Variants in TFAP2A observed in about 807,000 individuals in gnomAD.
The protein encoded by TFAP2A is transcription factor AP-2 alpha, also known as transcription factor AP-2-alpha.
TFAP2A carries 7 observed loss-of-function variants against 41.5 expected under a neutral mutation model. The observed-to-expected ratio is 0.17, with a 90% CI of 0.10 to 0.32. The LOEUF (loss-of-function observed/expected upper bound fraction) is 0.32, where lower values mean the gene tolerates loss of function less well. Among genes scored for constraint, TFAP2A ranks in the 10% least tolerant of loss-of-function variants. The pLI is 1.00. For synonymous variants in TFAP2A, 247 were observed against 242.8 expected (o/e 1.02, Z -0.16); for missense variants, 416 against 563.3 (o/e 0.74, Z 2.65).
chr6:10,406,648 G>A lies in TFAP2A; in HGVS notation c.538+145C>T, dbSNP rs1310041984. 3.6e-5 allele frequency: 26 copies of A among 723,182 alleles called. No individual in the cohort carries two copies. In the East Asian group the frequency reaches 6.6e-4, roughly 18 times the overall value. The allele number at this position is 723,182 out of a possible 1,614,324, so 44.8% of individuals were successfully genotyped here. On this transcript the variant is annotated intron_variant, in intron 3 of 6. Transcript: ENST00000379613. ...AACATACTGAAGGCTGATTATTTAA[G>A]CATTGCTGTTCTGTGCCTATCTATT...
intron 1 of TFAP2A, among the ~76,000 whole-genome samples, chr6:10,413,870 A>G (rs1758115390): frequency 6.6e-6 from 1 of 151,938 alleles, no homozygotes; most frequent in Non-Finnish European, 1.5e-5. Flanking sequence ...AAAAAAGAAA[A>G]AAAAAAAAAA....
intron 2 of TFAP2A, among the ~76,000 whole-genome samples, chr6:10,408,476 G>A (rs773711333): frequency 4.6e-5 from 7 of 152,154 alleles, no homozygotes; most frequent in Non-Finnish European, 1.0e-4. Flanking sequence ...AACAAGCAAG[G>A]AAAAGATTCA....
rs1761823491 is a variant in TFAP2A, at chr6:10,397,666, A to AC, written c.*750_*751insG. 5.1e-6 allele frequency: 1 copy of AC among 195,892 alleles called. No homozygotes were observed. Among genetic ancestry groups the AC allele is most frequent in the Non-Finnish European group, 9.3e-6 (1 of 107,970 alleles). The allele number at this position is 195,892 out of a possible 1,614,324, so 12.1% of individuals were successfully genotyped here. On this transcript the variant is annotated 3_prime_UTR_variant, in exon 7 of 7. Transcript: ENST00000379613. ...GTAAACAAGATCAGATAAATAAAAA[A>AC]AAAAAGGCTTAAAACAGACTCACCA...
rs1427874803 is a variant in TFAP2A, at chr6:10,398,636, G to A, written c.1101C>T (p.Asn367=). 6.2e-7 allele frequency: 1 copy of A among 1,614,228 alleles called. No individual in the cohort carries two copies. Among genetic ancestry groups the A allele is most frequent in the Non-Finnish European group, 8.5e-7 (1 of 1,180,038 alleles). ...TCTGGATGCCGGGCTCCAGGATGGG[G>A]TTGGGCCGTGAGTTCCCCAGGGGAG... ...DRSPLGNSRP[N]PILEPGIQSC... Residue 367 remains asparagine (N), a synonymous_variant, in exon 7 of 7, where the codon AAC becomes AAT. Transcript: ENST00000379613. This position sits in a 1 kb window ranked among gnomAD's most constrained non-coding sequence, Gnocchi z 5.3.
Position 10,409,890 on chromosome 6 carries a change from C to G in TFAP2A, c.486+11G>C. Reference sequence around the variant, plus strand: ...TGTGTTCCCTCCCGCGCTGGTTGCGCGGCCTCTTACCGGGACCTCCTCGAT... The same window carrying G: ...TGTGTTCCCTCCCGCGCTGGTTGCGGGGCCTCTTACCGGGACCTCCTCGAT... On this transcript the variant is annotated intron_variant, in intron 2 of 6. Transcript: ENST00000379613. 6.5e-7 allele frequency: 1 copy of G among 1,547,722 alleles called. No homozygotes were observed. The highest frequency in any genetic ancestry group is 1.4e-5 in the African/African-American group (1 of 73,118).
intron 1 of TFAP2A, chr6:10,411,440 G>A: frequency 6.7e-7 from 1 of 1,483,088 alleles, no homozygotes. Context: ...TGGGGTGGGG[G>A]ATGCAAATGG....
intron 1 of TFAP2A, chr6:10,412,568 C>G: frequency 5.5e-6 from 1 of 180,280 alleles, no homozygotes; most frequent in South Asian, 7.7e-5. Context: ...AGGAAGCGAG[C>G]GAGGACAATC....
In TFAP2A at chr6:10,406,793, CT is replaced by C; in HGVS notation, c.537del (p.Gly180AlafsTer28). 1 of 1,612,870 alleles carries C rather than the reference CT, an allele frequency of 6.2e-7. No homozygotes were observed. Among genetic ancestry groups the C allele is most frequent in the Non-Finnish European group, 8.5e-7 (1 of 1,178,892 alleles). On this transcript the variant is annotated frameshift_variant and splice_region_variant, in exon 3 of 7. Coordinates refer to ENST00000379613, the MANE Select transcript of TFAP2A (RefSeq NM_001372066.1). LOFTEE classifies it high-confidence loss of function. ...INIPDQTVIK[K>X]GPVSLSKSNS... ...TGGAATGCAGAAGGAAATGGCTTAC[CT>C]TTCTTAATTACAGTTTGATCTGGGA...
In TFAP2A at chr6:10,398,163, T is replaced by A; in HGVS notation, c.*254A>T. 6.3e-6 allele frequency: 9 copies of A among 1,418,060 alleles called. No individual in the cohort carries two copies. The highest frequency in any genetic ancestry group is 8.3e-6 in the Non-Finnish European group (9 of 1,088,868). The allele number at this position is 1,418,060 out of a possible 1,614,324, so 87.8% of individuals were successfully genotyped here. On this transcript the variant is annotated 3_prime_UTR_variant, in exon 7 of 7. Transcript: ENST00000379613. The surrounding 1 kb of genome is among the most constrained non-coding windows in gnomAD (Gnocchi z 5.3). Reference sequence around the variant, plus strand: ...CTGTTCTGTTCTCTTAGGCTCCACATGAGGGCACAGGGGTGTGGGAGCGGG... The same window carrying A: ...CTGTTCTGTTCTCTTAGGCTCCACAAGAGGGCACAGGGGTGTGGGAGCGGG...
chr6:10,418,251 A>G (rs915500585), upstream of TFAP2A: 3 of 152,264 alleles, frequency 2.0e-5, no homozygotes, highest in Admixed American at 6.5e-5. Flanking sequence ...AAAGTACAGA[A>G]CGCAAAAGGC....
intron 2 of TFAP2A, among the ~76,000 whole-genome samples, chr6:10,408,611 CAT>C (rs1465193896): frequency 6.6e-6 from 1 of 152,208 alleles, no homozygotes; most frequent in Non-Finnish European, 1.5e-5. Flanking sequence ...TTTCTAAAAA[CAT>C]GTAAGTATGA....
intron 2 of TFAP2A, 130 bp downstream of exon 2, chr6:10,409,771 G>T: frequency 8.5e-7 from 1 of 1,175,068 alleles, no homozygotes; most frequent in Non-Finnish European, 1.2e-6. Context: ...CTCCGCCTCC[G>T]AATAAAATGT....
chr6:10,404,442 C>T, intron 4 of TFAP2A, 66 bp downstream of exon 4: 2 of 1,234,128 alleles, frequency 1.6e-6, no homozygotes, highest in South Asian at 2.4e-5. Flanking sequence ...CCGCCACCGC[C>T]CCGGCGCAAG....
At position 10,401,243 on chromosome 6, in the gene TFAP2A, A is replaced by C. The variant is rs547150100; in HGVS notation, c.890-654T>G. On this transcript the variant is annotated intron_variant, in intron 5 of 6. Transcript: ENST00000379613. ...AATGGAGCGGATCACAAACAATAAC[A>C]GTTCTCCAGAAACTGCCTCCCTGCT... Among the ~76,000 whole-genome samples the C allele has an allele frequency of 6.0e-4, 92 of 152,356 alleles. 1 individual carries two copies. Among genetic ancestry groups the C allele is most frequent in the African/African-American group, 2.1e-3 (86 of 41,586 alleles).
intron 1 of TFAP2A, chr6:10,411,052 C>T (rs531436262): frequency 1.4e-5 from 2 of 143,504 alleles, no homozygotes; most frequent in African/African-American, 5.1e-5. Flanking sequence ...TGTGGCCCCC[C>T]CCCCCCGCCC....
At chr6:10,413,708 C>A (rs1171864594) in intron 1 of TFAP2A, among the ~76,000 whole-genome samples, 1 of 152,036 alleles carries the variant, frequency 6.6e-6, no homozygotes, top group Non-Finnish European at 1.5e-5. Flanking sequence ...GAAAGGAGAA[C>A]GATTTAAAAT....
chr6:10,398,151 T>G lies in TFAP2A; in HGVS notation c.*266A>C, dbSNP rs1761852420. ...TGGCTTCACGGCCTGTTCTGTTCTC[T>G]TAGGCTCCACATGAGGGCACAGGGG... On this transcript the variant is annotated 3_prime_UTR_variant, in exon 7 of 7. Coordinates refer to ENST00000379613, the MANE Select transcript of TFAP2A (RefSeq NM_001372066.1). This position sits in a 1 kb window ranked among gnomAD's most constrained non-coding sequence, Gnocchi z 5.3. The G allele has an allele frequency of 9.9e-6, 14 of 1,415,124 alleles. 1 individual carries two copies. In the East Asian group the frequency reaches 3.7e-4, roughly 37 times the overall value. The allele number at this position is 1,415,124 out of a possible 1,614,324, so 87.7% of individuals were successfully genotyped here.
intron 6 of TFAP2A, among the ~76,000 whole-genome samples, chr6:10,400,197 C>A (rs1017316436): frequency 6.6e-6 from 1 of 150,832 alleles, no homozygotes; most frequent in East Asian, 1.9e-4. Context: ...CTACAACCCA[C>A]TCCCATACAC....
intron 4 of TFAP2A, among the ~76,000 whole-genome samples, 193 bp downstream of exon 4, chr6:10,404,315 C>T (rs1757579962): frequency 1.3e-5 from 2 of 152,184 alleles, no homozygotes; most frequent in South Asian, 4.1e-4. Context: ...CGCAGGCGCG[C>T]GCCGCATCGC....
Sources: allele counts gnomAD v4.1 joint callset (sites outside exome capture counted in the v4.1 genomes callset), GRCh38; gene constraint gnomAD v4.1.1; non-coding constraint Gnocchi (gnomAD v3.1); transcripts MANE v1.5; gene names NCBI Gene and HGNC (gene_info 2026-07-23, HGNC 2026-07-21).